Variants in TRIO observed in about 807,000 individuals in gnomAD.
The protein encoded by TRIO is trio Rho guanine nucleotide exchange factor, also known as triple functional domain protein.
TRIO carries 58 observed loss-of-function variants against 351.9 expected under a neutral mutation model. That is an observed-to-expected ratio of 0.16 (90% confidence interval 0.13 to 0.21). TRIO has a LOEUF of 0.21. Ranked by LOEUF, TRIO falls within the 10% of genes least tolerant of loss-of-function variation. The pLI is 1.00. For missense variants in TRIO, 3,201 were observed against 4,027.8 expected (o/e 0.79, Z 5.56); for synonymous variants, 1,758 against 1,595.7 (o/e 1.10, Z -2.42).
intron 48 of TRIO, among the ~76,000 whole-genome samples, chr5:14,490,153 C>T (rs528323923): frequency 7.4e-6 from 1 of 135,426 alleles, no homozygotes; most frequent in Non-Finnish European, 1.6e-5. Context: ...CTGGCACGCA[C>T]CTATAGTCCC....
rs562778115 is a variant in TRIO, at chr5:14,418,482, T to C, written c.4960-1296T>C. On this transcript the variant is annotated intron_variant, in intron 33 of 56. Coordinates refer to ENST00000344204, the MANE Select transcript of TRIO (RefSeq NM_007118.4). ...CGCGCAACATCTGCTCGACAGCATT[T>C]GGAGGGAAAAGAGTGGGGTTTTTTA... Among the ~76,000 whole-genome samples, 29 of 152,112 alleles carry C rather than the reference T, an allele frequency of 1.9e-4. 1 individual carries two copies. The East Asian group carries it at 3.1e-3, about 16-fold the overall frequency.
Position 14,507,274 on chromosome 5 carries a change from C to G in TRIO, c.8751+14C>G, listed in dbSNP as rs187364350. ...CTGGACCTAAAGGTTGGTGAGGCCC[C>G]GGGCAGGTGAAGGGGGGTCTGAGCA... On this transcript the variant is annotated intron_variant, in intron 56 of 56. Transcript: ENST00000344204. 6.8e-4 allele frequency: 1,095 copies of G among 1,610,514 alleles called. No homozygotes were observed. Among genetic ancestry groups the G allele is most frequent in the Non-Finnish European group, 8.9e-4 (1,052 of 1,179,686 alleles).
At chr5:14,197,133 G>A (rs1790825638) in intron 1 of TRIO, among the ~76,000 whole-genome samples, 1 of 152,176 alleles carries the variant, frequency 6.6e-6, no homozygotes, top group African/African-American at 2.4e-5. Flanking sequence ...CCTGCCAGAA[G>A]AAAAAAATCT....
At chr5:14,344,023 A>T (rs906393105) in intron 11 of TRIO, among the ~76,000 whole-genome samples, 1 of 152,216 alleles carries the variant, frequency 6.6e-6, no homozygotes, top group Non-Finnish European at 1.5e-5. Context: ...AGCCTCAGTA[A>T]TTTTTGTTTA....
intron 3 of TRIO, among the ~76,000 whole-genome samples, chr5:14,285,043 C>T (rs970403592): frequency 1.3e-5 from 2 of 152,140 alleles, no homozygotes; most frequent in African/African-American, 2.4e-5. Context: ...ATTTCCATGA[C>T]AGGAGACTTT....
At chr5:14,366,696 A>G (rs1429074616) in intron 15 of TRIO, among the ~76,000 whole-genome samples, 164 bp from the exon 16 acceptor site, 1 of 152,222 alleles carries the variant, frequency 6.6e-6, no homozygotes, top group Admixed American at 6.5e-5. Flanking sequence ...GGTACCATGG[A>G]AGAACATCAG....
chr5:14,480,363 C>A (rs1405725083), intron 43 of TRIO, among the ~76,000 whole-genome samples: 1 of 152,158 alleles, frequency 6.6e-6, no homozygotes, highest in South Asian at 2.1e-4. Context: ...TTATTTACAT[C>A]GAGTTCAGAA....
intron 1 of TRIO, among the ~76,000 whole-genome samples, chr5:14,215,505 A>G (rs1037152848): frequency 4.6e-5 from 7 of 152,292 alleles, no homozygotes; most frequent in African/African-American, 1.7e-4. Flanking sequence ...ACCTTCTTTT[A>G]TATATGGCCT....
At chr5:14,375,698 G>T (rs567028103) in intron 19 of TRIO, among the ~76,000 whole-genome samples, 1 of 152,298 alleles carries the variant, frequency 6.6e-6, no homozygotes, top group East Asian at 1.9e-4. Flanking sequence ...GCTTGAGGAA[G>T]CCCCGTATCC....
chr5:14,288,616 G>A (rs561523832), intron 4 of TRIO, among the ~76,000 whole-genome samples: 2 of 151,842 alleles, frequency 1.3e-5, no homozygotes, highest in African/African-American at 4.8e-5. Flanking sequence ...GCAGTGAGCC[G>A]AGATTGTGCC....
intron 1 of TRIO, among the ~76,000 whole-genome samples, chr5:14,246,809 GTC>G (rs1794465796): frequency 6.6e-6 from 1 of 152,194 alleles, no homozygotes; most frequent in Admixed American, 6.5e-5. Flanking sequence ...CTCTGCACCT[GTC>G]TCTCGGATTC....
At chr5:14,356,996 G>C (rs565318897) in intron 11 of TRIO, among the ~76,000 whole-genome samples, 1 of 152,382 alleles carries the variant, frequency 6.6e-6, no homozygotes, top group Admixed American at 6.5e-5. Context: ...AGCCAGCTTT[G>C]AGGTGAGGGA....
chr5:14,416,697 TAA>T (rs1749672023), intron 33 of TRIO, among the ~76,000 whole-genome samples: 1 of 152,192 alleles, frequency 6.6e-6, no homozygotes, highest in South Asian at 2.1e-4. Flanking sequence ...GTGCCAGAAA[TAA>T]AGTCTAGCTT....
In TRIO at chr5:14,336,645, G is replaced by A. The variant is rs753710560; in HGVS notation, c.1964G>A (p.Arg655Gln). The change falls in exon 11 of 57, where the codon CGG becomes CAG. Residue 655 changes from arginine to glutamine, a missense_variant. Physicochemically the swap from Arg to Gln is conservative, Grantham distance 43. This residue lies in a region of TRIO where 363 missense variants were observed against 553.5 expected (regional missense o/e 0.66). Coordinates refer to ENST00000344204, the MANE Select transcript of TRIO (RefSeq NM_007118.4). ...IYQAAHQLED[R>Q]IQDFVRRVEQ... ...CAGGCTGCCCATCAGCTGGAAGACCGGATTCAAGATTTCGTTCGGCGTGTT... is the reference window on the plus strand; with the variant it reads ...CAGGCTGCCCATCAGCTGGAAGACCAGATTCAAGATTTCGTTCGGCGTGTT... 19 of 1,614,050 alleles carry A rather than the reference G, an allele frequency of 1.2e-5. No homozygotes were observed. Among genetic ancestry groups the A allele is most frequent in the South Asian group, 5.5e-5 (5 of 91,090 alleles).
At chr5:14,318,164 C>T (rs970903637) in intron 9 of TRIO, among the ~76,000 whole-genome samples, 1 of 146,928 alleles carries the variant, frequency 6.8e-6, no homozygotes, top group Non-Finnish European at 1.5e-5. Context: ...CATGCTGGCA[C>T]ATGCTTGTAA....
chr5:14,507,687 C>A (rs1037623186), intron 56 of TRIO, among the ~76,000 whole-genome samples, 193 bp from the exon 57 acceptor site: 1 of 144,942 alleles, frequency 6.9e-6, no homozygotes, highest in African/African-American at 2.6e-5. Flanking sequence ...GATCTGGGTC[C>A]CAGCTCCGCT....
chr5:14,358,584 T>C lies in TRIO; in HGVS notation c.2216+237T>C, dbSNP rs187345210. On this transcript the variant is annotated intron_variant, in intron 12 of 56. Transcript: ENST00000344204. The stretch of plus-strand genomic sequence containing the variant: ...TAATAGTTTTCATTATAACATCGAC[T>C]AATAAACCACATAATTTAATTTTAA... 3.2e-4 allele frequency among the ~76,000 whole-genome samples: 49 copies of C among 152,308 alleles called. No homozygotes were observed. The East Asian group carries it at 8.5e-3, about 26-fold the overall frequency.
At chr5:14,186,680 C>T (rs1207063162) in intron 1 of TRIO, among the ~76,000 whole-genome samples, 3 of 152,000 alleles carry the variant, frequency 2.0e-5, no homozygotes, top group Non-Finnish European at 4.4e-5. Context: ...CTGGTTCAAG[C>T]GATTCTCTTG....
chr5:14,225,699 G>C (rs1195526749), intron 1 of TRIO, among the ~76,000 whole-genome samples: 1 of 151,600 alleles, frequency 6.6e-6, no homozygotes, highest in East Asian at 1.9e-4. Context: ...GATGAGTCAG[G>C]CCCACCAGGG....
Sources: allele counts gnomAD v4.1 joint callset (sites outside exome capture counted in the v4.1 genomes callset), GRCh38; gene constraint gnomAD v4.1.1; regional missense constraint gnomAD v4.1.1; transcripts MANE v1.5; gene names NCBI Gene and HGNC (gene_info 2026-07-23, HGNC 2026-07-21).